The following RC3H2 variants were observed in gnomAD, a reference collection of about 807,000 sequenced individuals.
RC3H2 encodes roquin-2.
In RC3H2, 31 loss-of-function variants were observed where a neutral mutation model predicts 133.3. The observed-to-expected ratio is 0.23, with a 90% CI of 0.17 to 0.31. The LOEUF is 0.31. RC3H2 is among the 10% of genes least tolerant of loss of function. RC3H2 has a pLI of 1.00. For synonymous variants in RC3H2, 517 were observed against 502.2 expected (o/e 1.03, Z -0.40); for missense variants, 1,175 against 1,437.2 (o/e 0.82, Z 2.95).
In RC3H2 at chr9:122,880,849, T is replaced by G. The variant is rs537480379; in HGVS notation, c.760-55A>C. On this transcript the variant is annotated intron_variant, in intron 5 of 20. Transcript: ENST00000357244. ...TTGGTCTGTGCTTTCTCCCTTCAACTGATTCGTTTATTCCTTTTTCAGGGA... is the reference window on the plus strand; with the variant it reads ...TTGGTCTGTGCTTTCTCCCTTCAACGGATTCGTTTATTCCTTTTTCAGGGA... 48 of 1,295,238 alleles carry G rather than the reference T, an allele frequency of 3.7e-5. No individual in the cohort carries two copies. The African/African-American group carries it at 4.1e-4, about 11-fold the overall frequency. The allele number at this position is 1,295,238 out of a possible 1,614,324, so 80.2% of individuals were successfully genotyped here.
intron 9 of RC3H2, among the ~76,000 whole-genome samples, chr9:122,870,578 G>A (rs897844818): frequency 6.6e-6 from 1 of 152,144 alleles, no homozygotes; most frequent in Admixed American, 6.6e-5. Context: ...CTTAGTATTG[G>A]GGCAGCTAAA....
At chr9:122,889,800 T>G (rs1029590481) in intron 4 of RC3H2, among the ~76,000 whole-genome samples, 1 of 152,180 alleles carries the variant, frequency 6.6e-6, no homozygotes, top group African/African-American at 2.4e-5. Flanking sequence ...AAATTTTGTT[T>G]TAAAACACAA....
chr9:122,867,275 G>A (rs1830740694), intron 9 of RC3H2, among the ~76,000 whole-genome samples: 1 of 117,708 alleles, frequency 8.5e-6, no homozygotes. Flanking sequence ...CGTCCGGGAG[G>A]GAGGTGGGGG....
chr9:122,905,045 C>T, intron 1 of RC3H2, 65 bp downstream of exon 1: 1 of 973,600 alleles, frequency 1.0e-6, no homozygotes, highest in Non-Finnish European at 1.2e-6. Context: ...GGTCTCCCGC[C>T]CGACCGCCGG....
chr9:122,858,993 T>C lies in RC3H2; in HGVS notation c.1959A>G (p.Pro653=), dbSNP rs1284086076. The C allele has an allele frequency of 6.2e-7, 1 of 1,614,092 alleles. No homozygotes were observed. The highest frequency in any genetic ancestry group is 8.5e-7 in the Non-Finnish European group (1 of 1,179,956). The stretch of plus-strand genomic sequence containing the variant: ...AAAATGTACTGTAATGATCGGCATA[T>C]GGCATGGAAGCAGGTGGGAGGGAGG... ...PESSLPPASM[P]YADHYSTFSP... is the part of the protein sequence containing the mutation. The change falls in exon 12 of 21, where the codon CCA becomes CCG. Residue 653 remains proline, a synonymous_variant. Coordinates refer to ENST00000357244, the MANE Select transcript of RC3H2 (RefSeq NM_001100588.3).
chr9:122,865,301 CT>C (rs1457057118), intron 10 of RC3H2, 47 bp downstream of exon 10: 1 of 1,498,308 alleles, frequency 6.7e-7, no homozygotes, highest in African/African-American at 1.4e-5. Flanking sequence ...TCAGGCATTT[CT>C]AAAAAGGAAA....
At chr9:122,862,146 G>A (rs1588063500) in intron 10 of RC3H2, among the ~76,000 whole-genome samples, 1 of 152,000 alleles carries the variant, frequency 6.6e-6, no homozygotes, top group East Asian at 1.9e-4. Context: ...CCATGATAAG[G>A]TCAACATTTA....
chr9:122,885,949 A>G (rs1040705713), intron 4 of RC3H2, among the ~76,000 whole-genome samples: 1 of 152,190 alleles, frequency 6.6e-6, no homozygotes, highest in Non-Finnish European at 1.5e-5. Context: ...GTGCAGTGGC[A>G]CGATCTTCGC....
chr9:122,895,710 T>C (rs1281412847), intron 2 of RC3H2, among the ~76,000 whole-genome samples: 1 of 152,160 alleles, frequency 6.6e-6, no homozygotes, highest in African/African-American at 2.4e-5. Flanking sequence ...ATGAAGTATT[T>C]TGGTTTATTG....
chr9:122,897,620 C>T, intron 1 of RC3H2, 44 bp from the exon 2 acceptor site: 7 of 1,359,438 alleles, frequency 5.1e-6, no homozygotes, highest in Non-Finnish European at 6.9e-6. Flanking sequence ...ATTCATCATT[C>T]ACCTTTGAAG....
chr9:122,858,312 G>A (rs1205035822), intron 12 of RC3H2, among the ~76,000 whole-genome samples: 1 of 152,152 alleles, frequency 6.6e-6, no homozygotes, highest in African/African-American at 2.4e-5. Flanking sequence ...TCTTGCTTAG[G>A]GAAGTCATTT....
intron 3 of RC3H2, 117 bp from the exon 4 acceptor site, chr9:122,890,662 G>A: frequency 4.2e-6 from 3 of 708,886 alleles, no homozygotes; most frequent in Non-Finnish European, 4.7e-6. Flanking sequence ...CTTGTAATGT[G>A]CTTTCATTTT....
Position 122,876,407 on chromosome 9 carries a change from C to A in RC3H2, c.1325+1064G>T, listed in dbSNP as rs566307068. 1.4e-4 allele frequency among the ~76,000 whole-genome samples: 21 copies of A among 152,136 alleles called. No individual in the cohort carries two copies. In the East Asian group the frequency reaches 3.3e-3, roughly 24 times the overall value. On this transcript the variant is annotated intron_variant, in intron 9 of 20. Coordinates refer to ENST00000357244, the MANE Select transcript of RC3H2 (RefSeq NM_001100588.3). ...CTTTGGGAGGCCAAGGCAGGCAGAT[C>A]GCTTGAGGTCAGGAGTTTGAGACCC...
At position 122,905,296 on chromosome 9, in the gene RC3H2, T is replaced by C; in HGVS notation, c.-254A>G. 2.0e-6 allele frequency: 2 copies of C among 985,598 alleles called. No individual in the cohort carries two copies. Among genetic ancestry groups the C allele is most frequent in the Non-Finnish European group, 2.4e-6 (2 of 829,960 alleles). The allele number at this position is 985,598 out of a possible 1,614,324, so 61.1% of individuals were successfully genotyped here. A position where few individuals can be genotyped will look rare whatever the true frequency, so the allele number is the denominator to read the frequency against. On this transcript the variant is annotated 5_prime_UTR_variant, in exon 1 of 21. Transcript: ENST00000357244. ...CGAAGGCCGCGACGGGGCCTCCTCC[T>C]CCTCCCTCCACCTCCGCCTCCTCCT...
intron 1 of RC3H2, among the ~76,000 whole-genome samples, chr9:122,903,452 C>A (rs1203272409): frequency 6.6e-6 from 1 of 152,068 alleles, no homozygotes; most frequent in Non-Finnish European, 1.5e-5. Flanking sequence ...TGCCAAAATG[C>A]AAATTTTTGG....
chr9:122,899,087 T>C (rs1832546587), intron 1 of RC3H2, among the ~76,000 whole-genome samples: 1 of 125,784 alleles, frequency 8.0e-6, no homozygotes, highest in East Asian at 2.5e-4. Context: ...TAGCCTTTAT[T>C]GTGTTTTTTT....
intron 18 of RC3H2, chr9:122,853,709 G>A: frequency 9.9e-7 from 1 of 1,009,130 alleles, no homozygotes; most frequent in Non-Finnish European, 1.4e-6. Flanking sequence ...CCAAGATCGT[G>A]CCATTGCACT....
At position 122,889,009 on chromosome 9, in the gene RC3H2, G is replaced by C. The variant is rs375439611; in HGVS notation, c.583+1303C>G. Among the ~76,000 whole-genome samples, 5 of 152,304 alleles carry C rather than the reference G, an allele frequency of 3.3e-5. No homozygotes were observed. The East Asian group carries it at 9.6e-4, about 29-fold the overall frequency. On this transcript the variant is annotated intron_variant, in intron 4 of 20. Transcript: ENST00000357244. ...TCAGACTTTAAGATTCTGCCAATCT[G>C]ATAGGTGAGAAATGGTATTTCTTGC... is the stretch of plus-strand genomic sequence containing the variant.
Position 122,849,711 on chromosome 9 carries a change from G to T in RC3H2, c.3492C>A (p.Asn1164Lys), listed in dbSNP as rs757518656. 5 of 1,611,482 alleles carry T rather than the reference G, an allele frequency of 3.1e-6. No homozygotes were observed. In the African/African-American group the frequency reaches 6.7e-5, roughly 22 times the overall value. The change falls in exon 21 of 21, where the codon AAC becomes AAA. Residue 1164 changes from asparagine (N) to lysine (K), a missense_variant. Asn to Lys is a moderately conservative substitution (Grantham distance 94, BLOSUM62 0). Transcript: ENST00000357244. ...ACATAACATGAGTTTTCAGAATGAG[G>T]TTGCCAGCACTGACAGATGTGGTGA... The part of the protein sequence containing the change: ...LPITTSVSAG[N>K]LILKTHVMSE...
Sources: gnomAD v4.1 joint callset for allele counts (sites outside exome capture counted in the v4.1 genomes callset) on GRCh38, gnomAD v4.1.1 for gene constraint, MANE v1.5 for transcripts, NCBI Gene and HGNC (gene_info 2026-07-23, HGNC 2026-07-21) for gene names.